The following CCDC7 variants were observed in gnomAD, a reference collection of about 807,000 sequenced individuals.
CCDC7 encodes the protein coiled-coil domain-containing protein 7.
CCDC7 carries 183 observed loss-of-function variants against 196.9 expected under a neutral mutation model. The ratio of observed to expected loss-of-function variants is 0.93; its 90% confidence interval spans 0.82 to 1.05. The LOEUF (loss-of-function observed/expected upper bound fraction) is 1.05, where lower values mean the gene tolerates loss of function less well. Among genes scored for constraint, CCDC7 ranks in the 50% least tolerant of loss-of-function variants. CCDC7 has a pLI of 0.00. For missense variants in CCDC7, 1,540 were observed against 1,482.2 expected, an observed-to-expected ratio of 1.04 and a Z score of -0.64; for synonymous variants, 525 against 484.6, an observed-to-expected ratio of 1.08 and a Z score of -1.10.
chr10:32,699,812 G>A (rs538492294), intron 24 of CCDC7, among the ~76,000 whole-genome samples: 1 of 149,678 alleles, frequency 6.7e-6, no homozygotes, highest in South Asian at 2.1e-4. Flanking sequence ...CAGTGATGAT[G>A]AGCATTTTTT....
In CCDC7 at chr10:32,657,266, A is replaced by G. The variant is rs541381736; in HGVS notation, c.2015-6788A>G. 6.6e-5 allele frequency among the ~76,000 whole-genome samples: 10 copies of G among 152,310 alleles called. No homozygotes were observed. In the South Asian group the frequency reaches 2.1e-3, roughly 32 times the overall value. On this transcript the variant is annotated intron_variant, in intron 20 of 41. Coordinates refer to ENST00000639629, the Ensembl canonical transcript of CCDC7. ...TCACAGCTCTACTAGGCAGTGCCCC[A>G]GTGGGGACTCTGTGTGGGGGCTCCA... is the stretch of plus-strand genomic sequence containing the variant.
intron 13 of CCDC7, among the ~76,000 whole-genome samples, chr10:32,553,719 G>A (rs1015507051): frequency 1.3e-5 from 2 of 152,112 alleles, no homozygotes; most frequent in African/African-American, 4.8e-5. Flanking sequence ...AGTCTACCTG[G>A]CTCTGGGCTG....
At chr10:32,717,660 A>C (rs1021252869) in intron 25 of CCDC7, among the ~76,000 whole-genome samples, 1 of 152,190 alleles carries the variant, frequency 6.6e-6, no homozygotes, top group African/African-American at 2.4e-5. Context: ...CGAGAGAAGA[A>C]TCAAATAGAC....
At chr10:32,520,253 T>C (rs2047677347) in intron 11 of CCDC7, among the ~76,000 whole-genome samples, 1 of 152,092 alleles carries the variant, frequency 6.6e-6, no homozygotes, top group Admixed American at 6.6e-5. Context: ...ATTGCTGGAT[T>C]GTATGGTAGC....
At chr10:32,724,028 T>A (rs532159935) in intron 25 of CCDC7, among the ~76,000 whole-genome samples, 1 of 152,204 alleles carries the variant, frequency 6.6e-6, no homozygotes, top group Admixed American at 6.6e-5. Flanking sequence ...TTTGGATTTA[T>A]AATTTAACCC....
At chr10:32,882,629 A>G (rs2094832938) in intron 22 of CCDC7, 64 bp from the exon 44 acceptor site, 1 of 152,188 alleles carries the variant, frequency 6.6e-6, no homozygotes, top group Non-Finnish European at 1.5e-5. Flanking sequence ...AAAGGTTTGT[A>G]TGTGTGTATA....
chr10:32,465,109 GTT>G (rs72519574), intron 5 of CCDC7, among the ~76,000 whole-genome samples: 1 of 67,280 alleles, frequency 1.5e-5, no homozygotes, highest in African/African-American at 3.3e-5. Context: ...AATGAAACTA[GTT>G]TTTTTTTTTT....
chr10:32,880,943 T>G (rs892758369), downstream of CCDC7, among the ~76,000 whole-genome samples: 2 of 152,204 alleles, frequency 1.3e-5, no homozygotes, highest in Non-Finnish European at 2.9e-5. Flanking sequence ...GGCTACACTA[T>G]CTGTAATTTA....
intron 12 of CCDC7, 148 bp downstream of exon 13, chr10:32,543,533 C>A: frequency 1.1e-6 from 1 of 882,726 alleles, no homozygotes; most frequent in Non-Finnish European, 1.5e-6. Context: ...ATAAGCATAC[C>A]AGTATATGAT....
chr10:32,676,060 G>A (rs1016156312), intron 21 of CCDC7, among the ~76,000 whole-genome samples: 7 of 151,648 alleles, frequency 4.6e-5, no homozygotes, highest in African/African-American at 1.7e-4. Flanking sequence ...GAACAGAACA[G>A]AGCCCTCAGA....
chr10:32,798,651 CA>C (rs2084129480), intron 29 of CCDC7, among the ~76,000 whole-genome samples: 1 of 152,242 alleles, frequency 6.6e-6, no homozygotes, highest in Non-Finnish European at 1.5e-5. Context: ...ACCATCCAGG[CA>C]AACTATTGGC....
intron 28 of CCDC7, among the ~76,000 whole-genome samples, chr10:32,732,903 A>G (rs1278325968): frequency 1.3e-5 from 2 of 152,112 alleles, no homozygotes; most frequent in Non-Finnish European, 2.9e-5. Context: ...TTGTATTATT[A>G]TAGCTTAGCT....
intron 24 of CCDC7, among the ~76,000 whole-genome samples, chr10:32,701,594 A>T (rs1184348686): frequency 1.3e-5 from 2 of 152,214 alleles, no homozygotes; most frequent in Non-Finnish European, 2.9e-5. Flanking sequence ...AAGGAATGGT[A>T]CCAGCTCCTC....
At chr10:32,464,361 C>T (rs1406794148) in intron 5 of CCDC7, among the ~76,000 whole-genome samples, 2 of 152,178 alleles carry the variant, frequency 1.3e-5, no homozygotes, top group Non-Finnish European at 2.9e-5. Context: ...TGCTACCTAA[C>T]ACAATATTAA....
At chr10:32,627,760 A>G (rs933563890) in intron 18 of CCDC7, among the ~76,000 whole-genome samples, 8 of 151,832 alleles carry the variant, frequency 5.3e-5, no homozygotes, top group Non-Finnish European at 8.8e-5. Context: ...TTCTGCATCT[A>G]TTGAGATGAT....
intron 11 of CCDC7, among the ~76,000 whole-genome samples, chr10:32,523,871 A>G (rs1589500035): frequency 6.7e-6 from 1 of 149,444 alleles, no homozygotes; most frequent in African/African-American, 2.5e-5. Context: ...GTGTCTCTTT[A>G]TAGGTAAAGT....
intron 41 of CCDC7, among the ~76,000 whole-genome samples, chr10:32,862,002 CTG>C (rs2094006904): frequency 6.6e-6 from 1 of 152,046 alleles, no homozygotes; most frequent in Admixed American, 6.6e-5. Context: ...GTGGAAGACA[CTG>C]TGGTGATTCC....
intron 20 of CCDC7, among the ~76,000 whole-genome samples, chr10:32,643,187 T>C (rs1242830258): frequency 6.6e-6 from 1 of 152,190 alleles, no homozygotes; most frequent in African/African-American, 2.4e-5. Context: ...ATGCTGCTTA[T>C]GTTATTGGTG....
intron 18 of CCDC7, among the ~76,000 whole-genome samples, chr10:32,596,056 G>A (rs11594012): frequency 2.6e-5 from 4 of 152,126 alleles, no homozygotes; most frequent in African/African-American, 7.2e-5. Flanking sequence ...ATGTCTATTA[G>A]GTCCACTTGT....
Sources: allele counts gnomAD v4.1 joint callset (sites outside exome capture counted in the v4.1 genomes callset), GRCh38; gene constraint gnomAD v4.1.1; transcripts MANE v1.5; gene names NCBI Gene and HGNC (gene_info 2026-07-23, HGNC 2026-07-21).